Variants in MYRIP observed in about 807,000 individuals in gnomAD.
The protein encoded by MYRIP is myosin VIIA and Rab interacting protein, also known as rab effector MyRIP.
A neutral mutation model predicts 98.0 loss-of-function variants in MYRIP; 49 were observed. The ratio of observed to expected loss-of-function variants is 0.50; its 90% confidence interval spans 0.40 to 0.63. The LOEUF (loss-of-function observed/expected upper bound fraction) is 0.63, where lower values mean the gene tolerates loss of function less well. Ranked by LOEUF, MYRIP falls within the 30% of genes least tolerant of loss-of-function variation. The probability of loss-of-function intolerance (pLI) is 0.00; values close to 1 mark genes in which losing one functional copy is unlikely to be tolerated. For missense variants in MYRIP, 1,004 were observed against 1,058.2 expected, an observed-to-expected ratio of 0.95 and a Z score of 0.71; for synonymous variants, 404 against 409.5, an observed-to-expected ratio of 0.99 and a Z score of 0.16.
At chr3:39,979,669 C>CA (rs1298087638) in intron 2 of MYRIP, among the ~76,000 whole-genome samples, 243 of 137,518 alleles carry the variant, frequency 1.8e-3, no homozygotes, top group Non-Finnish European at 3.0e-3. Flanking sequence ...AAAAAAAAAA[C>CA]AAAAAAAAAC....
rs35749015 is a variant in MYRIP, at chr3:40,224,414, C to CAA, written c.1906-9431_1906-9430dup. On this transcript the variant is annotated intron_variant, in intron 11 of 16. Coordinates refer to ENST00000302541, the MANE Select transcript of MYRIP (RefSeq NM_015460.4). ...CTGAGGAACAGTCAGTATAAAAAAG[C>CAA]AAAAAAAAAAAAAAAGATCAATGGC... Among the ~76,000 whole-genome samples the CAA allele has an allele frequency of 2.2e-5, 3 of 134,542 alleles. No individual in the cohort carries two copies. The South Asian group carries it at 6.9e-4, about 31-fold the overall frequency. 88.3% of individuals were successfully genotyped at this position (134,542 alleles called of 152,430 possible). A position where few individuals can be genotyped will look rare whatever the true frequency, so the allele number is the denominator to read the frequency against.
At chr3:39,981,489 T>C (rs955081749) in intron 2 of MYRIP, among the ~76,000 whole-genome samples, 19 of 152,348 alleles carry the variant, frequency 1.2e-4, no homozygotes, top group Middle Eastern at 3.4e-3. Context: ...CATTTTGGTT[T>C]CCATTATACA....
At chr3:40,098,629 T>A (rs1183549779) in intron 3 of MYRIP, among the ~76,000 whole-genome samples, 2 of 152,136 alleles carry the variant, frequency 1.3e-5, no homozygotes, top group Non-Finnish European at 2.9e-5. Context: ...TAAAGGCATA[T>A]GCATATTCTT....
At chr3:39,893,280 T>G (rs1943530419) in intron 1 of MYRIP, among the ~76,000 whole-genome samples, 1 of 152,188 alleles carries the variant, frequency 6.6e-6, no homozygotes, top group Non-Finnish European at 1.5e-5. Flanking sequence ...TTCCAAGTCT[T>G]TAAATATAAT....
At chr3:40,123,498 A>C (rs1008667265) in intron 3 of MYRIP, among the ~76,000 whole-genome samples, 1 of 152,200 alleles carries the variant, frequency 6.6e-6, no homozygotes, top group Non-Finnish European at 1.5e-5. Flanking sequence ...CCTCTCCAGC[A>C]TAAGTCTCAG....
chr3:39,887,865 G>A (rs933616179), intron 1 of MYRIP, among the ~76,000 whole-genome samples: 1 of 152,030 alleles, frequency 6.6e-6, no homozygotes, highest in African/African-American at 2.4e-5. Context: ...AAAATCACAA[G>A]CATTCTTCTA....
At chr3:40,141,197 T>C (rs1243264453) in intron 3 of MYRIP, among the ~76,000 whole-genome samples, 1 of 152,200 alleles carries the variant, frequency 6.6e-6, no homozygotes, top group Non-Finnish European at 1.5e-5. Context: ...TTATTTACAA[T>C]GGAGTACTAT....
chr3:39,945,495 A>G lies in MYRIP; in HGVS notation c.110+44569A>G, dbSNP rs1309695447. ...CCATCTCAAAAAAAAAAAAAAAGAAAAAAGAAAAAAAAAGAATGTATCTTT... is the reference window on the plus strand; with the variant it reads ...CCATCTCAAAAAAAAAAAAAAAGAAGAAAGAAAAAAAAAGAATGTATCTTT... On this transcript the variant is annotated intron_variant, in intron 2 of 16. Transcript: ENST00000302541. 1.7e-3 allele frequency among the ~76,000 whole-genome samples: 244 copies of G among 143,682 alleles called. 1 individual carries two copies. The highest frequency in any genetic ancestry group is 6.6e-3 in the African/African-American group (231 of 34,974). 94.3% of individuals were successfully genotyped at this position (143,682 alleles called of 152,430 possible).
chr3:40,218,625 TATATATA>T lies in MYRIP; in HGVS notation c.1905+8533_1905+8539del, dbSNP rs1952220139. ...TATATATATATTTTATATATATATATATATATATATATATATATATATATATATATAC... is the reference window on the plus strand; with the variant it reads ...TATATATATATTTTATATATATATATTATATATATATATATATATATATAC... On this transcript the variant is annotated intron_variant, in intron 11 of 16. Coordinates refer to ENST00000302541, the MANE Select transcript of MYRIP (RefSeq NM_015460.4). Among the ~76,000 whole-genome samples the T allele has an allele frequency of 6.5e-3, 111 of 17,072 alleles. 7 individuals are homozygous for T. The highest frequency in any genetic ancestry group is 0.042 in the Middle Eastern group (1 of 24). The allele number at this position is 17,072 out of a possible 152,430, so 11.2% of individuals were successfully genotyped here.
At chr3:39,914,635 C>T (rs1201090913) in intron 2 of MYRIP, among the ~76,000 whole-genome samples, 1 of 151,924 alleles carries the variant, frequency 6.6e-6, no homozygotes, top group Non-Finnish European at 1.5e-5. Flanking sequence ...AAGTATAGAA[C>T]TCCAAAATCC....
chr3:40,035,360 T>G (rs1947355373), intron 2 of MYRIP, among the ~76,000 whole-genome samples: 1 of 152,040 alleles, frequency 6.6e-6, no homozygotes, highest in Non-Finnish European at 1.5e-5. Context: ...GAAACAGATG[T>G]GAAGCTGTTC....
At chr3:40,159,506 G>T (rs1268466834) in intron 4 of MYRIP, among the ~76,000 whole-genome samples, 1 of 151,436 alleles carries the variant, frequency 6.6e-6, no homozygotes, top group African/African-American at 2.4e-5. Flanking sequence ...TATCTTTGTG[G>T]CATTCTCTGT....
intron 3 of MYRIP, among the ~76,000 whole-genome samples, chr3:40,107,290 G>GC (rs1320806331): frequency 6.6e-6 from 1 of 152,154 alleles, no homozygotes; most frequent in African/African-American, 2.4e-5. Flanking sequence ...TCACTTTATG[G>GC]CCTCCAGCTT....
chr3:40,146,738 C>T (rs1423523835), intron 3 of MYRIP, among the ~76,000 whole-genome samples: 1 of 152,162 alleles, frequency 6.6e-6, no homozygotes, highest in Admixed American at 6.5e-5. Flanking sequence ...TGCATGCACA[C>T]ACATACACAT....
chr3:39,941,940 T>C (rs1045510421), intron 2 of MYRIP, among the ~76,000 whole-genome samples: 8 of 152,186 alleles, frequency 5.3e-5, no homozygotes, highest in African/African-American at 1.9e-4. Context: ...TACAGTCATG[T>C]TGGTTACCCA....
At chr3:40,245,650 CAAAA>C (rs1230060850) in intron 13 of MYRIP, among the ~76,000 whole-genome samples, 3 of 62,760 alleles carry the variant, frequency 4.8e-5, no homozygotes, top group African/African-American at 6.2e-5. Flanking sequence ...ACTCCATCTC[CAAAA>C]AAAAAAAAAA....
rs528816899 is a variant in MYRIP, at chr3:40,033,316, A to G, written c.111-10734A>G. Among the ~76,000 whole-genome samples the G allele has an allele frequency of 1.5e-3, 227 of 151,654 alleles. 1 individual carries two copies. The highest frequency in any genetic ancestry group is 5.3e-3 in the African/African-American group (221 of 41,370). The stretch of plus-strand genomic sequence containing the variant: ...CAGACGACATGATTGTATATCTAGA[A>G]AACCCCATTGTCTCAGCCCAAAATC... On this transcript the variant is annotated intron_variant, in intron 2 of 16. Coordinates refer to ENST00000302541, the MANE Select transcript of MYRIP (RefSeq NM_015460.4).
At chr3:40,062,012 G>A (rs1401685307) in intron 3 of MYRIP, among the ~76,000 whole-genome samples, 2 of 152,090 alleles carry the variant, frequency 1.3e-5, no homozygotes, top group African/African-American at 2.4e-5. Flanking sequence ...TTTTTCTGAT[G>A]CGTAGTTTGT....
chr3:39,889,975 TA>T (rs1943441721), intron 1 of MYRIP, among the ~76,000 whole-genome samples: 1 of 152,134 alleles, frequency 6.6e-6, no homozygotes, highest in Admixed American at 6.6e-5. Context: ...TCTATAGTTG[TA>T]AAAAATCTAA....
Sources: allele counts gnomAD v4.1 joint callset (sites outside exome capture counted in the v4.1 genomes callset), GRCh38; gene constraint gnomAD v4.1.1; transcripts MANE v1.5; gene names NCBI Gene and HGNC (gene_info 2026-07-23, HGNC 2026-07-21).